SETDB2: variants seen among roughly 807,000 people sequenced by gnomAD.
SETDB2 encodes the protein SET domain bifurcated histone lysine methyltransferase 2, also known as histone-lysine N-methyltransferase SETDB2.
SETDB2 carries 56 observed loss-of-function variants against 82.5 expected under a neutral mutation model. The ratio of observed to expected loss-of-function variants is 0.68; its 90% confidence interval spans 0.55 to 0.85. The LOEUF is 0.85. SETDB2 is among the 40% of genes least tolerant of loss of function. The pLI, the probability that SETDB2 is intolerant of heterozygous loss-of-function variation, is 0.00. For synonymous variants in SETDB2, 272 were observed against 284.9 expected, an observed-to-expected ratio of 0.95 and a Z score of 0.46; for missense variants, 677 against 816.4, an observed-to-expected ratio of 0.83 and a Z score of 2.08.
chr13:49,455,957 A>G (rs1026593679), intron 2 of SETDB2, among the ~76,000 whole-genome samples: 3 of 152,142 alleles, frequency 2.0e-5, no homozygotes, highest in Non-Finnish European at 4.4e-5. Flanking sequence ...TAAGTGAACT[A>G]TCACTTACTG....
chr13:49,485,298 T>A (rs986129873), intron 10 of SETDB2, among the ~76,000 whole-genome samples: 2 of 152,234 alleles, frequency 1.3e-5, no homozygotes, highest in Non-Finnish European at 2.9e-5. Context: ...GAAGGCAAAT[T>A]TATAATCTAG....
Position 49,493,377 on chromosome 13 carries a change from C to A in SETDB2, c.*1528C>A, listed in dbSNP as rs558516206. The A allele has an allele frequency of 6.6e-6, 1 of 152,284 alleles. No individual in the cohort carries two copies. The highest frequency in any genetic ancestry group is 2.1e-4 in the South Asian group (1 of 4,826). The allele number at this position is 152,284 out of a possible 1,614,324, so 9.4% of individuals were successfully genotyped here. A position where few individuals can be genotyped will look rare whatever the true frequency, so the allele number is the denominator to read the frequency against. The stretch of plus-strand genomic sequence containing the variant: ...TTTCTTTGAGCTCTGCCTGTGGAGT[C>A]CATTTGACCTTTAGAAATATGAGGT... On this transcript the variant is annotated 3_prime_UTR_variant, in exon 14 of 14. Coordinates refer to ENST00000611815, the MANE Select transcript of SETDB2 (RefSeq NM_001160308.3).
Position 49,463,992 on chromosome 13 carries a change from T to C in SETDB2, c.208+2830T>C, listed in dbSNP as rs372135898. ...AGCTTATTTCTCTTTTTAATTTTAT[T>C]TTTCTTTCTTTAATTCCCTGCCTCA... On this transcript the variant is annotated intron_variant, in intron 4 of 13. Coordinates refer to ENST00000611815, the MANE Select transcript of SETDB2 (RefSeq NM_001160308.3). The C allele has an allele frequency of 4.1e-5, 30 of 727,480 alleles. No individual in the cohort carries two copies. In the African/African-American group the frequency reaches 5.0e-4, roughly 12 times the overall value. The allele number at this position is 727,480 out of a possible 1,614,324, so 45.1% of individuals were successfully genotyped here.
chr13:49,481,837 A>AG (rs11407035), intron 8 of SETDB2, among the ~76,000 whole-genome samples: 108,606 of 152,152 alleles, frequency 0.71, 39,015 homozygotes, highest in East Asian at 0.82. Context: ...TCCTTGACTT[A>AG]TTTTAGCAGT....
At chr13:49,466,736 C>T (rs2138885661) in intron 4 of SETDB2, among the ~76,000 whole-genome samples, 1 of 151,848 alleles carries the variant, frequency 6.6e-6, no homozygotes, top group African/African-American at 2.4e-5. Flanking sequence ...CCTACGGTTC[C>T]TGGGCTTAAG....
In SETDB2 at chr13:49,474,069, C is replaced by T. The variant is rs771144034; in HGVS notation, c.306-2407C>T. Among the ~76,000 whole-genome samples the T allele has an allele frequency of 1.2e-4, 19 of 152,296 alleles. No homozygotes were observed. In the Middle Eastern group the frequency reaches 0.01, roughly 82 times the overall value. ...TTGAGGTCAAGAGTTTGAGACCAGCCTGGCCCACATGGCAAAACCCTGTCT... is the reference window on the plus strand; with the variant it reads ...TTGAGGTCAAGAGTTTGAGACCAGCTTGGCCCACATGGCAAAACCCTGTCT... On this transcript the variant is annotated intron_variant, in intron 5 of 13. Coordinates refer to ENST00000611815, the MANE Select transcript of SETDB2 (RefSeq NM_001160308.3).
intron 2 of SETDB2, among the ~76,000 whole-genome samples, chr13:49,457,559 G>A (rs1383431940): frequency 1.3e-5 from 2 of 150,670 alleles, no homozygotes; most frequent in Non-Finnish European, 2.9e-5. Flanking sequence ...TCAGCCTCCC[G>A]AGTAGCTGGG....
chr13:49,467,882 A>G lies in SETDB2; in HGVS notation c.227A>G (p.Gln76Arg), dbSNP rs771544182. ...TGTGTAGATCCTATGCCTGTGACTCAGAAGGAACAGGAAAACAAATCCAAT... is the reference window on the plus strand; with the variant it reads ...TGTGTAGATCCTATGCCTGTGACTCGGAAGGAACAGGAAAACAAATCCAAT... ...TSIKDPMPVT[Q>R]KEQENKSNAF... The change falls in exon 5 of 14, where the codon CAG becomes CGG. Residue 76 changes from glutamine to arginine, a missense_variant. Around this residue, in one of 3 missense-constraint regions of SETDB2, gnomAD observed 243 missense variants for 237.2 expected, o/e 1.02. Coordinates refer to ENST00000611815, the MANE Select transcript of SETDB2 (RefSeq NM_001160308.3). 2 of 1,571,242 alleles carry G rather than the reference A, an allele frequency of 1.3e-6. No individual in the cohort carries two copies. Among genetic ancestry groups the G allele is most frequent in the South Asian group, 1.2e-5 (1 of 86,144 alleles).
rs535618671 is a variant in SETDB2 at position 49,487,586 on chromosome 13, C to T, written c.1577-704C>T. 3.9e-5 allele frequency among the ~76,000 whole-genome samples: 6 copies of T among 152,314 alleles called. No homozygotes were observed. The East Asian group carries it at 5.8e-4, about 15-fold the overall frequency. On this transcript the variant is annotated intron_variant, in intron 11 of 13. Transcript: ENST00000611815. The stretch of plus-strand genomic sequence containing the variant: ...TTGAATTCCTGGCCTCAAGCATCCT[C>T]CTGCCTTGGCCTCCCAAAGTGCTGG...
At chr13:49,452,683 C>T (rs1275644692) in intron 2 of SETDB2, among the ~76,000 whole-genome samples, 1 of 152,172 alleles carries the variant, frequency 6.6e-6, no homozygotes, top group Non-Finnish European at 1.5e-5. Flanking sequence ...TGCTTAGGCT[C>T]CTCCTAGCTG....
At chr13:49,478,487 A>G (rs1315702696) in intron 6 of SETDB2, among the ~76,000 whole-genome samples, 1 of 152,228 alleles carries the variant, frequency 6.6e-6, no homozygotes, top group East Asian at 1.9e-4. Flanking sequence ...AGAAGGTATG[A>G]TTTCAAACAA....
At chr13:49,466,202 G>A (rs1275033338) in intron 4 of SETDB2, among the ~76,000 whole-genome samples, 2 of 152,132 alleles carry the variant, frequency 1.3e-5, no homozygotes, top group African/African-American at 4.8e-5. Context: ...GGAAGGCTGA[G>A]GTGGCAGGAT....
Position 49,462,858 on chromosome 13 carries a change from A to T in SETDB2, c.208+1696A>T, listed in dbSNP as rs921377683. On this transcript the variant is annotated intron_variant, in intron 4 of 13. Transcript: ENST00000611815. Reference sequence around the variant, plus strand: ...TAGCTTTAGAAGAGTAGTTTCTTGAAGAAAACAGTCTTCCTTTCACAGTAT... The same window carrying T: ...TAGCTTTAGAAGAGTAGTTTCTTGATGAAAACAGTCTTCCTTTCACAGTAT... Among the ~76,000 whole-genome samples the T allele has an allele frequency of 5.9e-4, 90 of 152,326 alleles. 1 individual carries two copies. Among genetic ancestry groups the T allele is most frequent in the African/African-American group, 2.0e-3 (85 of 41,578 alleles).
intron 9 of SETDB2, 84 bp from the exon 10 acceptor site, chr13:49,483,380 G>T: frequency 2.0e-6 from 1 of 494,968 alleles, no homozygotes; most frequent in Admixed American, 4.0e-5. Flanking sequence ...GGATATTTAT[G>T]TAATAATGGA....
In SETDB2 at chr13:49,461,133, C is replaced by A; in HGVS notation, c.179C>A (p.Thr60Asn). Residue 60 changes from threonine (T) to asparagine (N), a missense_variant, in exon 4 of 14, where the codon ACT becomes AAT. Transcript: ENST00000611815. ...GCAATGATTCTAGTGAATGAAGCAA[C>A]TATAATTAACAGTTCAACATCAATA... ...IQAMILVNEA[T>N]IINSSTSIKD... The A allele has an allele frequency of 6.2e-7, 1 of 1,610,886 alleles. No homozygotes were observed. The highest frequency in any genetic ancestry group is 8.5e-7 in the Non-Finnish European group (1 of 1,177,542).
intron 8 of SETDB2, among the ~76,000 whole-genome samples, chr13:49,481,552 A>G (rs1405315574): frequency 1.3e-5 from 2 of 152,352 alleles, no homozygotes; most frequent in East Asian, 1.9e-4. Context: ...TAATATCTGC[A>G]TGTTATAATT....
chr13:49,480,143 A>T, intron 6 of SETDB2, 76 bp from the exon 7 acceptor site: 3 of 896,576 alleles, frequency 3.3e-6, no homozygotes, highest in Non-Finnish European at 5.2e-6. Context: ...TACATCATTT[A>T]CACATTTATC....
chr13:49,464,037 A>G (rs1407998010), intron 4 of SETDB2: 1 of 773,386 alleles, frequency 1.3e-6, no homozygotes, highest in East Asian at 2.4e-5. Context: ...CACAGAAAGA[A>G]GTGAATGCCC....
chr13:49,479,400 A>AT (rs1222961889), intron 6 of SETDB2, among the ~76,000 whole-genome samples: 1 of 152,172 alleles, frequency 6.6e-6, no homozygotes, highest in Non-Finnish European at 1.5e-5. Context: ...ACAATTATAG[A>AT]TTTTCATATC....
Sources: gnomAD v4.1 joint callset for allele counts (sites outside exome capture counted in the v4.1 genomes callset) on GRCh38, gnomAD v4.1.1 for gene constraint, gnomAD v4.1.1 regional missense constraint, MANE v1.5 for transcripts, NCBI Gene and HGNC (gene_info 2026-07-23, HGNC 2026-07-21) for gene names.